The following MED13L variants were observed in gnomAD, a reference collection of about 807,000 sequenced individuals.
MED13L encodes the protein mediator of RNA polymerase II transcription subunit 13-like.
A neutral mutation model predicts 220.9 loss-of-function variants in MED13L; 7 were observed. The observed-to-expected ratio is 0.03, with a 90% CI of 0.02 to 0.06. MED13L has a LOEUF of 0.06. MED13L is among the 10% of genes least tolerant of loss of function. The pLI, the probability that MED13L is intolerant of heterozygous loss-of-function variation, is 1.00. For synonymous variants in MED13L, 1,011 were observed against 1,015.2 expected (o/e 1.00, Z 0.08); for missense variants, 1,965 against 2,760.5 (o/e 0.71, Z 6.46).
chr12:116,218,713 G>A (rs1883142976), intron 2 of MED13L, among the ~76,000 whole-genome samples: 1 of 151,984 alleles, frequency 6.6e-6, no homozygotes, highest in Non-Finnish European at 1.5e-5. Context: ...AAGCATTTAA[G>A]GCAATTTAAG....
intron 2 of MED13L, among the ~76,000 whole-genome samples, chr12:116,140,892 T>G (rs1020119497): frequency 6.6e-6 from 1 of 152,234 alleles, no homozygotes; most frequent in Admixed American, 6.5e-5. Context: ...AATTTCTAAA[T>G]ACTCATCTGC....
chr12:116,060,257 TAAAA>T (rs112080904), intron 4 of MED13L, among the ~76,000 whole-genome samples: 5 of 145,406 alleles, frequency 3.4e-5, no homozygotes, highest in African/African-American at 1.3e-4. Flanking sequence ...AGCCTCAAAT[TAAAA>T]AAAAAAAGTT....
chr12:116,270,758 ATCAG>A (rs1486286189), intron 1 of MED13L, among the ~76,000 whole-genome samples: 1 of 152,088 alleles, frequency 6.6e-6, no homozygotes, highest in Non-Finnish European at 1.5e-5. Context: ...AAAGAAAATT[ATCAG>A]CCGGGCGCGG....
chr12:116,041,605 G>T (rs1027556350), intron 4 of MED13L, among the ~76,000 whole-genome samples: 9 of 152,196 alleles, frequency 5.9e-5, no homozygotes, highest in Non-Finnish European at 1.5e-5. Flanking sequence ...AGCACTTTGG[G>T]AGGCCAAGGC....
chr12:116,223,631 G>A (rs921337966), intron 2 of MED13L, among the ~76,000 whole-genome samples: 4 of 152,156 alleles, frequency 2.6e-5, no homozygotes, highest in African/African-American at 9.7e-5. Context: ...CTGAACCCGG[G>A]AGGTGGAGGT....
At chr12:116,099,146 T>C (rs957252193) in intron 3 of MED13L, among the ~76,000 whole-genome samples, 5 of 152,190 alleles carry the variant, frequency 3.3e-5, no homozygotes, top group Non-Finnish European at 5.9e-5. Flanking sequence ...ACAGTGAGAA[T>C]GTCATCCAGA....
rs144491172 is a variant in MED13L, at chr12:116,274,215, C to T, written c.72+2845G>A. Among the ~76,000 whole-genome samples, 132 of 152,070 alleles carry T rather than the reference C, an allele frequency of 8.7e-4. 4 individuals carry two copies. The East Asian group carries it at 0.022, about 25-fold the overall frequency. On this transcript the variant is annotated intron_variant, in intron 1 of 30. Transcript: ENST00000281928. ...AATTTGATTCCGTGCAGTAAAAAAT[C>T]AGAAAATAAGTAAAAGACTAGCAGA... is the stretch of plus-strand genomic sequence containing the variant.
intron 2 of MED13L, among the ~76,000 whole-genome samples, chr12:116,116,543 CCT>C (rs1364530112): frequency 6.6e-6 from 1 of 151,954 alleles, no homozygotes; most frequent in African/African-American, 2.4e-5. Flanking sequence ...AAAGTTTTCC[CCT>C]GAGTTCTGTG....
intron 1 of MED13L, among the ~76,000 whole-genome samples, chr12:116,253,349 C>G (rs1011393600): frequency 7.3e-5 from 11 of 151,056 alleles, no homozygotes; most frequent in Admixed American, 5.9e-4. Flanking sequence ...GGCAATATAG[C>G]TTCACTGGTG....
chr12:116,173,153 C>T (rs893163737), intron 2 of MED13L, among the ~76,000 whole-genome samples: 1 of 148,628 alleles, frequency 6.7e-6, no homozygotes, highest in African/African-American at 2.5e-5. Flanking sequence ...TATCATCAAT[C>T]TAAAAAAACT....
chr12:116,133,978 A>G (rs980929163), intron 2 of MED13L, among the ~76,000 whole-genome samples: 7 of 152,206 alleles, frequency 4.6e-5, no homozygotes, highest in African/African-American at 1.4e-4. Context: ...GCCTGACAGA[A>G]AGACTGCAGT....
At chr12:116,179,375 C>T (rs1355369273) in intron 2 of MED13L, among the ~76,000 whole-genome samples, 1 of 151,948 alleles carries the variant, frequency 6.6e-6, no homozygotes, top group African/African-American at 2.4e-5. Flanking sequence ...TTTTGGAGGC[C>T]AGGGCAGGAG....
intron 5 of MED13L, among the ~76,000 whole-genome samples, chr12:116,021,034 A>AT (rs1459465601): frequency 2.0e-4 from 31 of 152,036 alleles, no homozygotes; most frequent in African/African-American, 7.2e-4. Context: ...ATCAAGGGTA[A>AT]TTTTTTTGCA....
At chr12:116,176,084 A>G (rs973603495) in intron 2 of MED13L, among the ~76,000 whole-genome samples, 1 of 152,176 alleles carries the variant, frequency 6.6e-6, no homozygotes, top group Non-Finnish European at 1.5e-5. Flanking sequence ...GGAGAAAAAA[A>G]GTGGATCAGG....
At chr12:116,251,850 A>G (rs1016779254) in intron 1 of MED13L, among the ~76,000 whole-genome samples, 1 of 152,002 alleles carries the variant, frequency 6.6e-6, no homozygotes, top group African/African-American at 2.4e-5. Flanking sequence ...GAGTGAAATG[A>G]CAGAAAAAAG....
chr12:116,032,887 G>T (rs981575893), intron 4 of MED13L, among the ~76,000 whole-genome samples: 1 of 152,080 alleles, frequency 6.6e-6, no homozygotes, highest in Admixed American at 6.6e-5. Context: ...ACAGGAAGGA[G>T]GAGAGGAGAC....
intron 2 of MED13L, among the ~76,000 whole-genome samples, chr12:116,193,531 T>G (rs1010424818): frequency 1.3e-5 from 2 of 151,784 alleles, no homozygotes; most frequent in Admixed American, 1.3e-4. Context: ...TTTCGGTATT[T>G]CCAAAAAAAT....
intron 2 of MED13L, among the ~76,000 whole-genome samples, chr12:116,118,281 T>A: frequency 6.6e-6 from 1 of 152,098 alleles, no homozygotes; most frequent in South Asian, 2.1e-4. Context: ...TCATACTATA[T>A]TAAGCCCTTG....
intron 9 of MED13L, among the ~76,000 whole-genome samples, chr12:116,009,611 C>G (rs565386718): frequency 6.6e-6 from 1 of 152,182 alleles, no homozygotes; most frequent in Non-Finnish European, 1.5e-5. Context: ...TACTCTGCCT[C>G]AAAGTGTGGA....
Sources: allele counts gnomAD v4.1 joint callset (sites outside exome capture counted in the v4.1 genomes callset), GRCh38; gene constraint gnomAD v4.1.1; transcripts MANE v1.5; gene names NCBI Gene and HGNC (gene_info 2026-07-23, HGNC 2026-07-21).